The following SYNRG variants were observed in gnomAD, a reference collection of about 807,000 sequenced individuals.
The protein encoded by SYNRG is AP1 gamma subunit binding protein 1.
Under a neutral mutation model 130.9 loss-of-function variants are expected in SYNRG, and 37 were observed. The ratio of observed to expected loss-of-function variants is 0.28; its 90% CI spans 0.22 to 0.37. SYNRG has a LOEUF of 0.37. SYNRG is among the 10% of genes least tolerant of loss of function. The pLI, the probability that SYNRG is intolerant of heterozygous loss-of-function variation, is 1.00. For synonymous variants in SYNRG, 539 were observed against 568.1 expected (o/e 0.95, Z 0.73); for missense variants, 1,338 against 1,588.9 (o/e 0.84, Z 2.68).
chr17:37,539,506 G>C (rs2057532013), intron 16 of SYNRG, among the ~76,000 whole-genome samples: 1 of 152,118 alleles, frequency 6.6e-6, no homozygotes. Context: ...GAGCAGCTGG[G>C]ACTACAGGCA....
intron 3 of SYNRG, 52 bp from the exon 4 acceptor site, chr17:37,586,601 C>A (rs967572327): frequency 6.3e-7 from 1 of 1,594,166 alleles, no homozygotes; most frequent in South Asian, 1.1e-5. Context: ...CTTTAATTAT[C>A]ACACACAAAA....
chr17:37,561,124 A>C (rs1455999154), intron 13 of SYNRG, 71 bp downstream of exon 13: 8 of 1,323,470 alleles, frequency 6.0e-6, no homozygotes, highest in Non-Finnish European at 8.6e-6. Context: ...ATGCCACTGA[A>C]AGAACCATCG....
chr17:37,581,346 C>G (rs1476117906), intron 6 of SYNRG, among the ~76,000 whole-genome samples: 1 of 152,046 alleles, frequency 6.6e-6, no homozygotes, highest in Non-Finnish European at 1.5e-5. Flanking sequence ...GGCACAATCT[C>G]AGCTCACCGC....
At chr17:37,584,222 T>C (rs938360025) in intron 6 of SYNRG, 1 of 154,880 alleles carries the variant, frequency 6.5e-6, no homozygotes, top group African/African-American at 2.4e-5. Flanking sequence ...ATTATACTCA[T>C]GATTTTCTTA....
intron 19 of SYNRG, among the ~76,000 whole-genome samples, chr17:37,533,913 T>C (rs1409670342): frequency 3.4e-5 from 5 of 145,832 alleles, no homozygotes; most frequent in Non-Finnish European, 6.0e-5. Flanking sequence ...GTTTCTAAAC[T>C]TCATTTTCTT....
chr17:37,561,411 T>C (rs933974841), intron 12 of SYNRG, 60 bp downstream of exon 12: 38 of 1,496,666 alleles, frequency 2.5e-5, no homozygotes, highest in Admixed American at 1.2e-4. Flanking sequence ...TAAAGATTCA[T>C]ACAATTTAAA....
intron 2 of SYNRG, 44 bp downstream of exon 2, chr17:37,600,319 A>C: frequency 6.6e-7 from 1 of 1,518,878 alleles, no homozygotes; most frequent in Non-Finnish European, 8.8e-7. Flanking sequence ...ATTCAGAAAC[A>C]CAAGAGTGAA....
intron 14 of SYNRG, among the ~76,000 whole-genome samples, chr17:37,546,733 T>C (rs1598255297): frequency 6.6e-6 from 1 of 152,192 alleles, no homozygotes; most frequent in Non-Finnish European, 1.5e-5. Flanking sequence ...TTGAAGGAGT[T>C]TGGAGAAAGA....
At position 37,517,937 on chromosome 17, in the gene SYNRG, T is replaced by G. The variant is rs1018038371; in HGVS notation, c.*1003A>C. The G allele has an allele frequency of 2.6e-5, 4 of 152,194 alleles. No individual in the cohort carries two copies. Among genetic ancestry groups the G allele is most frequent in the Non-Finnish European group, 5.9e-5 (4 of 68,018 alleles). The allele number at this position is 152,194 out of a possible 1,614,324, so 9.4% of individuals were successfully genotyped here. ...AAATTCAGTACTGTTTCTGGACAAT[T>G]TTCTTCTACTTCTTCTAAGTCATGT... is the stretch of plus-strand genomic sequence containing the variant. On this transcript the variant is annotated 3_prime_UTR_variant, in exon 22 of 22. Coordinates refer to ENST00000612223, the MANE Select transcript of SYNRG (RefSeq NM_007247.6).
chr17:37,549,592 C>G (rs565115856), intron 14 of SYNRG, among the ~76,000 whole-genome samples: 1 of 151,988 alleles, frequency 6.6e-6, no homozygotes, highest in East Asian at 1.9e-4. Flanking sequence ...GATGGAGTAC[C>G]CAATTTTTCT....
chr17:37,572,792 A>G (rs2060531797), intron 8 of SYNRG, among the ~76,000 whole-genome samples: 1 of 152,238 alleles, frequency 6.6e-6, no homozygotes, highest in African/African-American at 2.4e-5. Context: ...AGTGTCTTAA[A>G]AAGGGGGGTA....
intron 1 of SYNRG, among the ~76,000 whole-genome samples, chr17:37,606,498 C>T (rs1305439835): frequency 1.3e-5 from 2 of 152,190 alleles, no homozygotes; most frequent in African/African-American, 4.8e-5. Flanking sequence ...CTTTGTACCA[C>T]AGTTATTTTG....
At chr17:37,539,144 C>T in intron 17 of SYNRG, 48 bp downstream of exon 17, 1 of 1,605,798 alleles carries the variant, frequency 6.2e-7, no homozygotes. Context: ...GGCAAAAAGG[C>T]ACAAAAGAGC....
chr17:37,580,241 G>A (rs1223419975), intron 6 of SYNRG, among the ~76,000 whole-genome samples: 1 of 151,282 alleles, frequency 6.6e-6, no homozygotes, highest in African/African-American at 2.4e-5. Flanking sequence ...CCACACACTT[G>A]CATAGATCAT....
At chr17:37,536,205 G>A (rs2057178544) in intron 18 of SYNRG, 78 bp from the exon 19 acceptor site, 1 of 1,467,518 alleles carries the variant, frequency 6.8e-7, no homozygotes, top group African/African-American at 1.4e-5. Context: ...ATTATTGCTT[G>A]CTGATATCTG....
chr17:37,549,251 G>A (rs1307135631), intron 14 of SYNRG, among the ~76,000 whole-genome samples: 1 of 151,898 alleles, frequency 6.6e-6, no homozygotes, highest in Non-Finnish European at 1.5e-5. Flanking sequence ...GTAAACCATG[G>A]AAATATCCCC....
At chr17:37,527,722 G>C (rs2056115239) in intron 19 of SYNRG, among the ~76,000 whole-genome samples, 1 of 152,126 alleles carries the variant, frequency 6.6e-6, no homozygotes, top group African/African-American at 2.4e-5. Context: ...ATGTGCATAG[G>C]TTATATGCAA....
At chr17:37,537,118 C>T (rs1290180999) in intron 18 of SYNRG, 1 of 152,298 alleles carries the variant, frequency 6.6e-6, no homozygotes, top group Non-Finnish European at 1.5e-5. Context: ...TTATGCAGAA[C>T]TGTGCCTGTT....
intron 14 of SYNRG, among the ~76,000 whole-genome samples, chr17:37,547,710 G>A (rs573205898): frequency 2.6e-5 from 4 of 152,300 alleles, no homozygotes; most frequent in African/African-American, 9.6e-5. Flanking sequence ...TGATCCGCCT[G>A]CCTTCGCCTC....
Sources: allele counts gnomAD v4.1 joint callset (sites outside exome capture counted in the v4.1 genomes callset), GRCh38; gene constraint gnomAD v4.1.1; transcripts MANE v1.5; gene names NCBI Gene and HGNC (gene_info 2026-07-23, HGNC 2026-07-21).